Variants in OXCT1 observed in about 807,000 individuals in gnomAD.
OXCT1 encodes the protein 3-oxoacid CoA-transferase 1.
In OXCT1, 27 loss-of-function variants were observed where a neutral mutation model predicts 69.6. That is an observed-to-expected ratio of 0.39 (90% CI 0.29 to 0.54). The LOEUF is 0.54. Ranked by LOEUF, OXCT1 falls within the 20% of genes least tolerant of loss-of-function variation. The pLI, the probability that OXCT1 is intolerant of heterozygous loss-of-function variation, is 0.72. For synonymous variants in OXCT1, 202 were observed against 217.8 expected (o/e 0.93, Z 0.64); for missense variants, 437 against 650.2 (o/e 0.67, Z 3.57).
At chr5:41,837,960 T>C (rs1300128480) in intron 7 of OXCT1, among the ~76,000 whole-genome samples, 1 of 152,222 alleles carries the variant, frequency 6.6e-6, no homozygotes, top group African/African-American at 2.4e-5. Context: ...AATACGGTAG[T>C]GACTAATACA....
At chr5:41,775,678 T>A (rs1045451377) in intron 13 of OXCT1, among the ~76,000 whole-genome samples, 1 of 152,192 alleles carries the variant, frequency 6.6e-6, no homozygotes, top group African/African-American at 2.4e-5. Flanking sequence ...TCCAACCCTC[T>A]AATCATGTCT....
chr5:41,866,938 G>A lies in OXCT1; in HGVS notation c.78+3343C>T, dbSNP rs188637647. Among the ~76,000 whole-genome samples the A allele has an allele frequency of 2.3e-4, 35 of 152,312 alleles. No homozygotes were observed. The East Asian group carries it at 3.1e-3, about 13-fold the overall frequency. ...GGAGCCACATGAGTAAGAGTTCAGC[G>A]ATATGAAAAGGCTGTGTGGTTACAG... On this transcript the variant is annotated intron_variant, in intron 1 of 16. Coordinates refer to ENST00000196371, the MANE Select transcript of OXCT1 (RefSeq NM_000436.4).
intron 11 of OXCT1, among the ~76,000 whole-genome samples, chr5:41,798,569 T>G (rs1295917148): frequency 6.6e-6 from 1 of 152,178 alleles, no homozygotes; most frequent in Non-Finnish European, 1.5e-5. Flanking sequence ...TGAAAACGAC[T>G]AGTGCAGAGA....
intron 13 of OXCT1, among the ~76,000 whole-genome samples, chr5:41,782,525 A>G (rs1045273741): frequency 9.9e-5 from 15 of 151,378 alleles, no homozygotes; most frequent in African/African-American, 2.7e-4. Context: ...TTTTTTTCCT[A>G]TTTCTTGGCC....
chr5:41,769,220 A>G (rs1414278537), intron 13 of OXCT1, among the ~76,000 whole-genome samples: 1 of 152,172 alleles, frequency 6.6e-6, no homozygotes, highest in Admixed American at 6.6e-5. Context: ...ACAAGGCCAT[A>G]CAAGTAGTTA....
intron 15 of OXCT1, among the ~76,000 whole-genome samples, chr5:41,740,090 G>C (rs920273879): frequency 1.3e-5 from 2 of 152,078 alleles, no homozygotes; most frequent in African/African-American, 4.8e-5. Flanking sequence ...CCTCCCTTTT[G>C]TTAAGTCTAA....
intron 16 of OXCT1, among the ~76,000 whole-genome samples, 200 bp from the exon 17 acceptor site, chr5:41,731,970 A>C (rs1487549755): frequency 1.3e-5 from 2 of 152,176 alleles, no homozygotes; most frequent in Non-Finnish European, 2.9e-5. Context: ...GTAGTTCTCA[A>C]CCTTCTTGTA....
At chr5:41,732,323 T>C (rs1742675190) in intron 16 of OXCT1, among the ~76,000 whole-genome samples, 1 of 152,222 alleles carries the variant, frequency 6.6e-6, no homozygotes, top group Non-Finnish European at 1.5e-5. Context: ...GATTCCAAGT[T>C]ATTAAAATAT....
At chr5:41,805,838 T>A (rs574016782) in intron 8 of OXCT1, among the ~76,000 whole-genome samples, 157 bp from the exon 9 acceptor site, 2 of 152,130 alleles carry the variant, frequency 1.3e-5, no homozygotes, top group South Asian at 4.1e-4. Context: ...CTATGGGTGA[T>A]ATTTGATGGT....
At chr5:41,757,042 A>G (rs1394197097) in intron 14 of OXCT1, among the ~76,000 whole-genome samples, 1 of 151,970 alleles carries the variant, frequency 6.6e-6, no homozygotes. Context: ...CTGGACTTGA[A>G]TCTAAGTGAG....
chr5:41,801,184 C>A, intron 10 of OXCT1, 114 bp from the exon 11 acceptor site: 1 of 840,110 alleles, frequency 1.2e-6, no homozygotes, highest in Non-Finnish European at 2.0e-6. Context: ...CATCCGAAGA[C>A]TTGAGGTAAA....
chr5:41,832,618 A>G (rs1465269931), intron 7 of OXCT1, among the ~76,000 whole-genome samples: 2 of 152,074 alleles, frequency 1.3e-5, no homozygotes, highest in African/African-American at 4.8e-5. Context: ...ACCAACAAAC[A>G]TCTACAGGCC....
chr5:41,768,275 G>T (rs1744712369), intron 13 of OXCT1, among the ~76,000 whole-genome samples: 1 of 152,102 alleles, frequency 6.6e-6, no homozygotes, highest in Admixed American at 6.6e-5. Flanking sequence ...ATAAAACCTT[G>T]CAAGAACAAT....
chr5:41,821,354 C>A (rs984205709), intron 7 of OXCT1, among the ~76,000 whole-genome samples: 1 of 152,156 alleles, frequency 6.6e-6, no homozygotes, highest in African/African-American at 2.4e-5. Context: ...ATATAAAATT[C>A]AACAATGGCT....
At chr5:41,756,276 G>T (rs991466847) in intron 14 of OXCT1, among the ~76,000 whole-genome samples, 1 of 152,028 alleles carries the variant, frequency 6.6e-6, no homozygotes, top group African/African-American at 2.4e-5. Flanking sequence ...TTTGTGGTCT[G>T]AAAGTTATAC....
chr5:41,859,506 A>G (rs1749618270), intron 3 of OXCT1, among the ~76,000 whole-genome samples: 1 of 152,160 alleles, frequency 6.6e-6, no homozygotes, highest in East Asian at 1.9e-4. Flanking sequence ...TGGGTTGAGT[A>G]TTAGCCATGA....
chr5:41,801,218 GT>G (rs1353091351), intron 10 of OXCT1, 148 bp from the exon 11 acceptor site: 2 of 672,232 alleles, frequency 3.0e-6, no homozygotes, highest in African/African-American at 3.6e-5. Flanking sequence ...ATTCGGTTGT[GT>G]CCATGGCTCT....
chr5:41,731,289 C>T lies in OXCT1; in HGVS notation c.*440G>A. 1.3e-6 allele frequency: 1 copy of T among 746,016 alleles called. No homozygotes were observed. The highest frequency in any genetic ancestry group is 1.7e-6 in the Non-Finnish European group (1 of 605,622). 46.2% of individuals were successfully genotyped at this position (746,016 alleles called of 1,614,324 possible). On this transcript the variant is annotated 3_prime_UTR_variant, in exon 17 of 17. Transcript: ENST00000196371. ...AAATCTGAAGCCCCAAAAGAAAAGT[C>T]AGAGGAGGCTGAAGAAAAAACAATC...
chr5:41,859,884 T>TATATATATATAG (rs1749647107), intron 3 of OXCT1, among the ~76,000 whole-genome samples: 1 of 117,870 alleles, frequency 8.5e-6, no homozygotes, highest in Non-Finnish European at 1.9e-5. Flanking sequence ...TATATATATA[T>TATATATATATAG]ATGTAATATA....
Sources: allele counts gnomAD v4.1 joint callset (sites outside exome capture counted in the v4.1 genomes callset), GRCh38; gene constraint gnomAD v4.1.1; transcripts MANE v1.5; gene names NCBI Gene and HGNC (gene_info 2026-07-23, HGNC 2026-07-21).